The following DES variants were observed in gnomAD, a reference collection of about 807,000 sequenced individuals.
DES encodes the protein desmin.
Under a neutral mutation model 55.1 loss-of-function variants are expected in DES, and 34 were observed. The observed-to-expected ratio is 0.62, with a 90% CI of 0.47 to 0.82. DES has a LOEUF of 0.82. Ranked by LOEUF, DES falls within the 40% of genes least tolerant of loss-of-function variation. The pLI is 0.00. For synonymous variants in DES, 259 were observed against 270.8 expected, an observed-to-expected ratio of 0.96 and a Z score of 0.43; for missense variants, 596 against 645.9, an observed-to-expected ratio of 0.92 and a Z score of 0.84.
rs761978219 is a variant in DES, at chr2:219,420,287, G to A, written c.676G>A (p.Glu226Lys). 1 of 1,614,198 alleles carries A rather than the reference G, an allele frequency of 6.2e-7. No individual in the cohort carries two copies. Among genetic ancestry groups the A allele is most frequent in the East Asian group, 2.2e-5 (1 of 44,876 alleles). Reference protein sequence around the residue: ...DAATLARIDLERRIESLNEEI... With the variant: ...DAATLARIDLKRRIESLNEEI... ...AGCTACTCTAGCTCGCATTGACCTGGAGCGCAGAATTGAATCTCTCAACGA... is the reference window on the plus strand; with the variant it reads ...AGCTACTCTAGCTCGCATTGACCTGAAGCGCAGAATTGAATCTCTCAACGA... The change falls in exon 3 of 9, where the codon GAG becomes AAG. Residue 226 changes from glutamate to lysine, a missense_variant. Glu to Lys is a moderately conservative substitution (Grantham distance 56). Coordinates refer to ENST00000373960, the MANE Select transcript of DES (RefSeq NM_001927.4). The surrounding 1 kb of genome is among the most constrained non-coding windows in gnomAD (Gnocchi z 6.0).
intron 6 of DES, among the ~76,000 whole-genome samples, chr2:219,422,974 T>C (rs1954471985): frequency 6.6e-6 from 1 of 152,250 alleles, no homozygotes; most frequent in East Asian, 1.9e-4. Context: ...CAGACATGTT[T>C]AGATACAGGT....
In DES at chr2:219,419,933, G is replaced by C; in HGVS notation, c.579-162G>C. The C allele has an allele frequency of 1.4e-6, 1 of 734,830 alleles. No homozygotes were observed. The highest frequency in any genetic ancestry group is 2.4e-6 in the Non-Finnish European group (1 of 410,096). The allele number at this position is 734,830 out of a possible 1,614,324, so 45.5% of individuals were successfully genotyped here. Reference sequence around the variant, plus strand: ...TTGGGCCACTTCCTGTGCCCTCCCTGGGTGGGTGGGGCCTCTCCACTCCCT... The same window carrying C: ...TTGGGCCACTTCCTGTGCCCTCCCTCGGTGGGTGGGGCCTCTCCACTCCCT... On this transcript the variant is annotated intron_variant, in intron 1 of 8. Coordinates refer to ENST00000373960, the MANE Select transcript of DES (RefSeq NM_001927.4). The surrounding 1 kb of genome is among the most constrained non-coding windows in gnomAD (Gnocchi z 4.3).
chr2:219,425,072 T>C (rs561495369), intron 7 of DES: 2 of 153,570 alleles, frequency 1.3e-5, no homozygotes, highest in African/African-American at 4.8e-5. Context: ...CTAATTTTTG[T>C]ATTTTTAGTA....
At chr2:219,425,620 C>T (rs918734276) in intron 7 of DES, 43 bp from the exon 8 acceptor site, 1 of 1,537,028 alleles carries the variant, frequency 6.5e-7, no homozygotes, top group Non-Finnish European at 8.8e-7. Flanking sequence ...TATAGCCCAG[C>T]CTGGACTTGG....
Position 219,418,407 on chromosome 2 carries a change from GGCCGCCTGCCC to G in DES, c.-48_-38del, listed in dbSNP as rs1391762425. The G allele has an allele frequency of 4.0e-6, 6 of 1,514,008 alleles. No homozygotes were observed. Among genetic ancestry groups the G allele is most frequent in the Non-Finnish European group, 5.3e-6 (6 of 1,138,590 alleles). The allele number at this position is 1,514,008 out of a possible 1,614,324, so 93.8% of individuals were successfully genotyped here. On this transcript the variant is annotated 5_prime_UTR_variant, in exon 1 of 9. Transcript: ENST00000373960. ...CCCTCGCCGCATCCACTCTCCGGCC[GGCCGCCTGCCC>G]GCCGCCTCCTCCGTGCGCCCGCCAG... is the stretch of plus-strand genomic sequence containing the variant.
intron 7 of DES, among the ~76,000 whole-genome samples, chr2:219,424,310 G>A (rs1954498553): frequency 6.6e-6 from 1 of 152,180 alleles, no homozygotes; most frequent in African/African-American, 2.4e-5. Flanking sequence ...TCTTAGCAAA[G>A]CCAAACAATG....
chr2:219,425,906 T>G, intron 8 of DES, 43 bp from the exon 9 acceptor site: 1 of 1,613,516 alleles, frequency 6.2e-7, no homozygotes, highest in Non-Finnish European at 8.5e-7. Context: ...GGCTCCATTC[T>G]CTGGCTAGCA....
rs551674201 is a variant in DES, at chr2:219,419,945, C to A, written c.579-150C>A. On this transcript the variant is annotated intron_variant, in intron 1 of 8. Transcript: ENST00000373960. This position sits in a 1 kb window ranked among gnomAD's most constrained non-coding sequence, Gnocchi z 4.3. Reference sequence around the variant, plus strand: ...CTGTGCCCTCCCTGGGTGGGTGGGGCCTCTCCACTCCCTGTCTCTCCTGCC... The same window carrying A: ...CTGTGCCCTCCCTGGGTGGGTGGGGACTCTCCACTCCCTGTCTCTCCTGCC... 99 of 790,238 alleles carry A rather than the reference C, an allele frequency of 1.3e-4. 1 individual carries two copies. The Admixed American group carries it at 2.0e-3, about 16-fold the overall frequency. 49.0% of individuals were successfully genotyped at this position (790,238 alleles called of 1,614,324 possible). A position where few individuals can be genotyped will look rare whatever the true frequency, so the allele number is the denominator to read the frequency against.
rs1248641973 is a variant in DES, at chr2:219,418,386, C to T, written c.-77C>T. On this transcript the variant is annotated 5_prime_UTR_variant, in exon 1 of 9. Coordinates refer to ENST00000373960, the MANE Select transcript of DES (RefSeq NM_001927.4). ...GACGGCTGGGGGCCCTGTCTCCCCT[C>T]GCCGCATCCACTCTCCGGCCGGCCG... The T allele has an allele frequency of 2.1e-6, 3 of 1,429,088 alleles. No homozygotes were observed. Among genetic ancestry groups the T allele is most frequent in the East Asian group, 2.7e-5 (1 of 37,236 alleles). 88.5% of individuals were successfully genotyped at this position (1,429,088 alleles called of 1,614,324 possible).
At position 219,426,227 on chromosome 2, in the gene DES, G is replaced by C. The variant is rs1278665689; in HGVS notation, c.*237G>C. 2.0e-5 allele frequency: 13 copies of C among 637,476 alleles called. No homozygotes were observed. The African/African-American group carries it at 2.1e-4, about 10-fold the overall frequency. The allele number at this position is 637,476 out of a possible 1,614,324, so 39.5% of individuals were successfully genotyped here. ...ACCCCAGCTGTGAGCCTTGGCTGTTGGCAGTGAGTGAGCCTGGCTCTTGTG... is the reference window on the plus strand; with the variant it reads ...ACCCCAGCTGTGAGCCTTGGCTGTTCGCAGTGAGTGAGCCTGGCTCTTGTG... On this transcript the variant is annotated 3_prime_UTR_variant, in exon 9 of 9. Coordinates refer to ENST00000373960, the MANE Select transcript of DES (RefSeq NM_001927.4). The surrounding 1 kb of genome is among the most constrained non-coding windows in gnomAD (Gnocchi z 4.5).
rs1315548464 is a variant in DES at position 219,420,902 on chromosome 2, C to T, written c.972C>T (p.Tyr324=). The T allele has an allele frequency of 1.2e-6, 2 of 1,613,908 alleles. No homozygotes were observed. The highest frequency in any genetic ancestry group is 1.7e-6 in the Non-Finnish European group (2 of 1,179,990). Residue 324 remains tyrosine (Y), a synonymous_variant, in exon 5 of 9, where the codon TAC becomes TAT. Transcript: ENST00000373960. The surrounding 1 kb of genome is among the most constrained non-coding windows in gnomAD (Gnocchi z 6.0). ...LRQAKQEMME[Y]RHQIQSYTCE... Reference sequence around the variant, plus strand: ...AGGCCAAGCAGGAGATGATGGAATACCGACACCAGATCCAGTCCTACACCT... The same window carrying T: ...AGGCCAAGCAGGAGATGATGGAATATCGACACCAGATCCAGTCCTACACCT...
Position 219,418,425 on chromosome 2 carries a change from T to G in DES, c.-38T>G. On this transcript the variant is annotated 5_prime_UTR_variant, in exon 1 of 9. Coordinates refer to ENST00000373960, the MANE Select transcript of DES (RefSeq NM_001927.4). ...TCCGGCCGGCCGCCTGCCCGCCGCCTCCTCCGTGCGCCCGCCAGCCTCGCC... is the reference window on the plus strand; with the variant it reads ...TCCGGCCGGCCGCCTGCCCGCCGCCGCCTCCGTGCGCCCGCCAGCCTCGCC... 6.5e-7 allele frequency: 1 copy of G among 1,539,164 alleles called. No individual in the cohort carries two copies. The highest frequency in any genetic ancestry group is 2.5e-5 in the East Asian group (1 of 40,096).
At chr2:219,425,276 A>G in intron 7 of DES, 1 of 265,402 alleles carries the variant, frequency 3.8e-6, no homozygotes. Flanking sequence ...TCTATCTTGA[A>G]GAAGGGGAGT....
Position 219,418,445 on chromosome 2 carries a change from C to T in DES, c.-18C>T, listed in dbSNP as rs759194515. 2 of 1,572,046 alleles carry T rather than the reference C, an allele frequency of 1.3e-6. No homozygotes were observed. The highest frequency in any genetic ancestry group is 1.7e-6 in the Non-Finnish European group (2 of 1,168,204). ...CCGCCTCCTCCGTGCGCCCGCCAGCCTCGCCCGCGCCGTCACCATGAGCCA... is the reference window on the plus strand; with the variant it reads ...CCGCCTCCTCCGTGCGCCCGCCAGCTTCGCCCGCGCCGTCACCATGAGCCA... On this transcript the variant is annotated 5_prime_UTR_variant, in exon 1 of 9. Coordinates refer to ENST00000373960, the MANE Select transcript of DES (RefSeq NM_001927.4).
chr2:219,420,459 C>T lies in DES; in HGVS notation c.736-36C>T. On this transcript the variant is annotated intron_variant, in intron 3 of 8. Transcript: ENST00000373960. The surrounding 1 kb of genome is among the most constrained non-coding windows in gnomAD (Gnocchi z 6.0). ...AGGGGTGTGAGGGTGCTGTGTGGGC[C>T]CTGAGAGGGGACTGAAGCCCAGTCA... is the stretch of plus-strand genomic sequence containing the variant. 2 of 1,613,714 alleles carry T rather than the reference C, an allele frequency of 1.2e-6. No homozygotes were observed. The highest frequency in any genetic ancestry group is 1.7e-6 in the Non-Finnish European group (2 of 1,179,898).
In DES at chr2:219,420,560, G is replaced by A. The variant is rs1176828661; in HGVS notation, c.801G>A (p.Lys267=). The change falls in exon 4 of 9, where the codon AAG becomes AAA. Residue 267 remains lysine, a synonymous_variant. Transcript: ENST00000373960. This position sits in a 1 kb window ranked among gnomAD's most constrained non-coding sequence, Gnocchi z 6.0. ...QQVQVEMDMS[K]PDLTAALRDI... Reference sequence around the variant, plus strand: ...TCCAGGTGGAGATGGACATGTCTAAGCCAGACCTCACTGCCGCCCTCAGGG... The same window carrying A: ...TCCAGGTGGAGATGGACATGTCTAAACCAGACCTCACTGCCGCCCTCAGGG... 1 of 1,613,986 alleles carries A rather than the reference G, an allele frequency of 6.2e-7. No homozygotes were observed. The highest frequency in any genetic ancestry group is 8.5e-7 in the Non-Finnish European group (1 of 1,180,010).
At position 219,426,547 on chromosome 2, in the gene DES, C is replaced by T. The variant is rs1328512997; in HGVS notation, c.*557C>T. The T allele has an allele frequency of 1.1e-5, 2 of 183,562 alleles. No individual in the cohort carries two copies. Among genetic ancestry groups the T allele is most frequent in the Admixed American group, 5.4e-5 (1 of 18,688 alleles). The allele number at this position is 183,562 out of a possible 1,614,324, so 11.4% of individuals were successfully genotyped here. A position where few individuals can be genotyped will look rare whatever the true frequency, so the allele number is the denominator to read the frequency against. On this transcript the variant is annotated 3_prime_UTR_variant, in exon 9 of 9. Coordinates refer to ENST00000373960, the MANE Select transcript of DES (RefSeq NM_001927.4). The surrounding 1 kb of genome is among the most constrained non-coding windows in gnomAD (Gnocchi z 4.5). ...AAGCAGGGGCTACAAGAGGGAATCC[C>T]CGAAGGTGCTGGAGGTGGGAGCAGG... is the stretch of plus-strand genomic sequence containing the variant.
chr2:219,418,441 C>T lies in DES; in HGVS notation c.-22C>T. 1.3e-6 allele frequency: 2 copies of T among 1,567,180 alleles called. No homozygotes were observed. Among genetic ancestry groups the T allele is most frequent in the Non-Finnish European group, 1.7e-6 (2 of 1,165,992 alleles). On this transcript the variant is annotated 5_prime_UTR_variant, in exon 1 of 9. Transcript: ENST00000373960. ...CCCGCCGCCTCCTCCGTGCGCCCGC[C>T]AGCCTCGCCCGCGCCGTCACCATGA...
chr2:219,418,757 C>G lies in DES; in HGVS notation c.295C>G (p.Gln99Glu), dbSNP rs794728992. 2.6e-6 allele frequency: 4 copies of G among 1,562,320 alleles called. No homozygotes were observed. In the Admixed American group the frequency reaches 7.7e-5, roughly 30 times the overall value. The change falls in exon 1 of 9, where the codon CAG becomes GAG. Residue 99 changes from glutamine to glutamate, a missense_variant. Transcript: ENST00000373960. ...LDFSLADAVN[Q>E]EFLTTRTNEK... ...CTTCTCACTGGCCGACGCGGTGAAC[C>G]AGGAGTTTCTGACCACGCGCACCAA...
Sources: gnomAD v4.1 joint callset for allele counts (sites outside exome capture counted in the v4.1 genomes callset) on GRCh38, gnomAD v4.1.1 for gene constraint, Gnocchi (gnomAD v3.1) non-coding constraint, MANE v1.5 for transcripts, NCBI Gene and HGNC (gene_info 2026-07-23, HGNC 2026-07-21) for gene names.